Variants in CRTAP observed in about 807,000 individuals in gnomAD.
The protein encoded by CRTAP is cartilage-associated protein.
A neutral mutation model predicts 42.7 loss-of-function variants in CRTAP; 33 were observed. The ratio of observed to expected loss-of-function variants is 0.77; its 90% CI spans 0.59 to 1.03. CRTAP has a LOEUF of 1.03. Among genes scored for constraint, CRTAP ranks in the 50% least tolerant of loss-of-function variants. The pLI, the probability that CRTAP is intolerant of heterozygous loss-of-function variation, is 0.00. For synonymous variants in CRTAP, 243 were observed against 217.7 expected (o/e 1.12, Z -1.02); for missense variants, 613 against 533.9 (o/e 1.15, Z -1.46).
At chr3:33,137,019 G>A (rs923285738) in intron 6 of CRTAP, among the ~76,000 whole-genome samples, 4 of 152,172 alleles carry the variant, frequency 2.6e-5, no homozygotes, top group African/African-American at 9.7e-5. Context: ...CCCATCAGCA[G>A]TGTATGAGAG....
chr3:33,117,211 G>A (rs942416069), intron 1 of CRTAP, among the ~76,000 whole-genome samples: 1 of 152,218 alleles, frequency 6.6e-6, no homozygotes, highest in Non-Finnish European at 1.5e-5. Context: ...GCTGGAGGTC[G>A]ATATGAAGGT....
intron 2 of CRTAP, among the ~76,000 whole-genome samples, chr3:33,123,324 G>GT (rs1439766028): frequency 1.1e-4 from 17 of 152,288 alleles, no homozygotes; most frequent in Admixed American, 9.2e-4. Flanking sequence ...GTGGGGCCTG[G>GT]TGGGAGGTGA....
At chr3:33,133,443 G>A (rs1360671374) in intron 5 of CRTAP, among the ~76,000 whole-genome samples, 4 of 152,030 alleles carry the variant, frequency 2.6e-5, no homozygotes, top group African/African-American at 7.2e-5. Context: ...AGTTTTAGTA[G>A]AGATGGGGTT....
In CRTAP at chr3:33,145,076, G is replaced by T. The variant is rs115744599; in HGVS notation, c.*2628G>T. 6.6e-6 allele frequency: 1 copy of T among 152,220 alleles called. No homozygotes were observed. The highest frequency in any genetic ancestry group is 2.4e-5 in the African/African-American group (1 of 41,432). 9.4% of individuals were successfully genotyped at this position (152,220 alleles called of 1,614,324 possible). A position where few individuals can be genotyped will look rare whatever the true frequency, so the allele number is the denominator to read the frequency against. ...GTTAATTGGGGTGGAACACTCACAC[G>T]TTGTGCTTTTTCTGGGCTTCCCTTA... On this transcript the variant is annotated 3_prime_UTR_variant, in exon 7 of 7. Transcript: ENST00000320954. This position sits in a 1 kb window ranked among gnomAD's most constrained non-coding sequence, Gnocchi z 4.3.
Position 33,118,659 on chromosome 3 carries a change from G to A in CRTAP, c.472-1685G>A, listed in dbSNP as rs369432132. On this transcript the variant is annotated intron_variant, in intron 1 of 6. Coordinates refer to ENST00000320954, the MANE Select transcript of CRTAP (RefSeq NM_006371.5). ...GTCTAAACCGAATTCCCTAATTCCCGCCTTGGAGCGTCCCTCTGGATTGGC... is the reference window on the plus strand; with the variant it reads ...GTCTAAACCGAATTCCCTAATTCCCACCTTGGAGCGTCCCTCTGGATTGGC... Among the ~76,000 whole-genome samples the A allele has an allele frequency of 1.8e-4, 28 of 152,274 alleles. No individual in the cohort carries two copies. In the South Asian group the frequency reaches 3.1e-3, roughly 17 times the overall value.
chr3:33,130,425 G>A (rs2030219625), intron 4 of CRTAP, among the ~76,000 whole-genome samples: 1 of 148,414 alleles, frequency 6.7e-6, no homozygotes, highest in South Asian at 2.1e-4. Context: ...CTGTGTGTTT[G>A]TTTTTGTTAT....
chr3:33,133,306 T>G (rs1200360575), intron 5 of CRTAP, among the ~76,000 whole-genome samples: 1 of 150,784 alleles, frequency 6.6e-6, no homozygotes, highest in African/African-American at 2.4e-5. Flanking sequence ...TCACCCAGGC[T>G]AGAGTGCAGT....
At chr3:33,139,595 C>G (rs950259533) in intron 6 of CRTAP, among the ~76,000 whole-genome samples, 1 of 151,706 alleles carries the variant, frequency 6.6e-6, no homozygotes, top group Non-Finnish European at 1.5e-5. Context: ...TCCTGCCTCG[C>G]CCTCCCAAGT....
chr3:33,114,631 G>A lies in CRTAP; in HGVS notation c.471+83G>A, dbSNP rs956567710. The A allele has an allele frequency of 1.7e-5, 22 of 1,333,328 alleles. No homozygotes were observed. The African/African-American group carries it at 1.8e-4, about 11-fold the overall frequency. 82.6% of individuals were successfully genotyped at this position (1,333,328 alleles called of 1,614,324 possible). ...CCCTAGCCCCGCCCCTGCGCCCGGG[G>A]CCGCGTTGCCCCTCCAGTTCTAGAC... On this transcript the variant is annotated intron_variant, in intron 1 of 6. Transcript: ENST00000320954.
At position 33,129,936 on chromosome 3, in the gene CRTAP, C is replaced by G. The variant is rs202206745; in HGVS notation, c.794-3C>G. 2 of 1,612,332 alleles carry G rather than the reference C, an allele frequency of 1.2e-6. No homozygotes were observed. The highest frequency in any genetic ancestry group is 1.1e-5 in the South Asian group (1 of 91,034). Reference sequence around the variant, plus strand: ...CTCTGAAAATTTATATGTTTTGTTTCAGATCATTATGTAGAAGTTCTGGAA... The same window carrying G: ...CTCTGAAAATTTATATGTTTTGTTTGAGATCATTATGTAGAAGTTCTGGAA... On this transcript the variant is annotated splice_polypyrimidine_tract_variant and splice_region_variant and intron_variant, in intron 3 of 6. Coordinates refer to ENST00000320954, the MANE Select transcript of CRTAP (RefSeq NM_006371.5).
rs774567380 is a variant in CRTAP at position 33,134,223 on chromosome 3, G to C, written c.1110G>C (p.Glu370Asp). Residue 370 changes from glutamate (E) to aspartate (D), a missense_variant, in exon 6 of 7, where the codon GAG (glutamate) becomes GAC (aspartate). Transcript: ENST00000320954. ...QFFNVTTLQK[E>D]LYDFAKENIM... ...TTAATGTGACCACACTCCAGAAGGA[G>C]CTGTATGACTTTGCTAAGGAAAATA... The C allele has an allele frequency of 2.5e-6, 4 of 1,613,408 alleles. No homozygotes were observed. The East Asian group carries it at 8.9e-5, about 36-fold the overall frequency.
At chr3:33,134,808 T>C (rs2030376050) in intron 6 of CRTAP, among the ~76,000 whole-genome samples, 1 of 152,180 alleles carries the variant, frequency 6.6e-6, no homozygotes, top group Non-Finnish European at 1.5e-5. Flanking sequence ...TTAGCGGTAG[T>C]ATTTAGAGTA....
chr3:33,129,535 C>CTTTTTTTTTTT (rs753545426), intron 3 of CRTAP, among the ~76,000 whole-genome samples: 3 of 115,732 alleles, frequency 2.6e-5, no homozygotes, highest in Non-Finnish European at 5.3e-5. Context: ...TTTTCTTTTT[C>CTTTTTTTTTTT]TTTTTTTTTT....
chr3:33,124,116 G>T (rs1023050184), intron 2 of CRTAP, among the ~76,000 whole-genome samples: 1 of 152,038 alleles, frequency 6.6e-6, no homozygotes, highest in Non-Finnish European at 1.5e-5. Flanking sequence ...CCTGACTTCT[G>T]GCAGCCACTG....
At chr3:33,120,007 A>G (rs1012037433) in intron 1 of CRTAP, among the ~76,000 whole-genome samples, 2 of 152,224 alleles carry the variant, frequency 1.3e-5, no homozygotes, top group African/African-American at 2.4e-5. Context: ...TTCCTCAGTC[A>G]TCTACTGGGG....
At chr3:33,139,019 C>G (rs756602386) in intron 6 of CRTAP, among the ~76,000 whole-genome samples, 2 of 152,150 alleles carry the variant, frequency 1.3e-5, no homozygotes, top group Non-Finnish European at 2.9e-5. Context: ...TGGCACATGC[C>G]TGTAATCCCA....
rs777442040 is a variant in CRTAP, at chr3:33,114,450, G to C, written c.373G>C (p.Gly125Arg). 73 of 1,580,614 alleles carry C rather than the reference G, an allele frequency of 4.6e-5. No individual in the cohort carries two copies. In the African/African-American group the frequency reaches 7.7e-4, roughly 17 times the overall value. The change falls in exon 1 of 7, where the codon GGC (glycine) becomes CGC (arginine). Residue 125 changes from glycine (G) to arginine (R), a missense_variant. Transcript: ENST00000320954. ...RAHCLKRCKQGLPAFRQSQPS... is the reference protein window; with the variant it reads ...RAHCLKRCKQRLPAFRQSQPS... ...GCACTGCCTCAAGCGCTGCAAGCAGGGCCTGCCAGCCTTCCGCCAGTCCCA... is the reference window on the plus strand; with the variant it reads ...GCACTGCCTCAAGCGCTGCAAGCAGCGCCTGCCAGCCTTCCGCCAGTCCCA...
At chr3:33,133,237 C>T (rs1199804875) in intron 5 of CRTAP, among the ~76,000 whole-genome samples, 3 of 150,260 alleles carry the variant, frequency 2.0e-5, no homozygotes, top group Non-Finnish European at 2.9e-5. Context: ...AAAATTCTCT[C>T]GTAATCCTAC....
chr3:33,130,134 A>G, intron 4 of CRTAP, 67 bp downstream of exon 4: 1 of 1,486,374 alleles, frequency 6.7e-7, no homozygotes, highest in Non-Finnish European at 9.4e-7. Flanking sequence ...AATAGAGGTA[A>G]TAACTCTTAG....
Sources: gnomAD v4.1 joint callset for allele counts (sites outside exome capture counted in the v4.1 genomes callset) on GRCh38, gnomAD v4.1.1 for gene constraint, Gnocchi (gnomAD v3.1) non-coding constraint, MANE v1.5 for transcripts, NCBI Gene and HGNC (gene_info 2026-07-23, HGNC 2026-07-21) for gene names.